SGCD: variants seen among roughly 807,000 people sequenced by gnomAD.
SGCD encodes delta-sarcoglycan.
SGCD carries 18 observed loss-of-function variants against 36.6 expected under a neutral mutation model. The ratio of observed to expected loss-of-function variants is 0.49; its 90% CI spans 0.34 to 0.73. The LOEUF (loss-of-function observed/expected upper bound fraction) is 0.73, where lower values mean the gene tolerates loss of function less well. Among genes scored for constraint, SGCD ranks in the 30% least tolerant of loss-of-function variants. The pLI is 0.01. For synonymous variants in SGCD, 133 were observed against 130.6 expected, an observed-to-expected ratio of 1.02 and a Z score of -0.12; for missense variants, 387 against 346.7, an observed-to-expected ratio of 1.12 and a Z score of -0.92.
intron 3 of SGCD, among the ~76,000 whole-genome samples, chr5:156,481,545 C>A (rs189970723): frequency 2.0e-5 from 3 of 152,168 alleles, no homozygotes; most frequent in African/African-American, 7.2e-5. Context: ...CCCAAAATAG[C>A]CCGTGGGTGC....
chr5:156,126,014 A>G (rs1404441498), intron 3 of SGCD, among the ~76,000 whole-genome samples: 1 of 151,730 alleles, frequency 6.6e-6, no homozygotes. Context: ...AGTAGCTGGG[A>G]TTGCAGGCGC....
At chr5:155,825,741 T>TTC in the SGCD span, among the ~76,000 whole-genome samples, 1 of 116,178 alleles carries the variant, frequency 8.6e-6, no homozygotes, top group Non-Finnish European at 1.9e-5. Flanking sequence ...TTTTTTTTTT[T>TTC]GTTGTTGTTG....
chr5:156,624,253 A>G (rs1762359692), intron 6 of SGCD, among the ~76,000 whole-genome samples: 1 of 152,260 alleles, frequency 6.6e-6, no homozygotes, highest in Non-Finnish European at 1.5e-5. Flanking sequence ...TCCCCACTTC[A>G]ATAACTTTGA....
At chr5:156,428,905 A>T (rs1453900681) in intron 3 of SGCD, among the ~76,000 whole-genome samples, 2 of 152,004 alleles carry the variant, frequency 1.3e-5, no homozygotes, top group Non-Finnish European at 2.9e-5. Flanking sequence ...AAGATACTTG[A>T]TGTGATTTTG....
chr5:156,600,791 A>G (rs1331709125), intron 6 of SGCD, among the ~76,000 whole-genome samples: 1 of 152,126 alleles, frequency 6.6e-6, no homozygotes, highest in Non-Finnish European at 1.5e-5. Context: ...ATTCCCACTA[A>G]CCATGTTAAG....
In SGCD at chr5:156,447,408, T is replaced by C. The variant is rs78297409; in HGVS notation, c.193-61193T>C. Among the ~76,000 whole-genome samples, 366 of 152,272 alleles carry C rather than the reference T, an allele frequency of 2.4e-3. 7 individuals are homozygous for C. The East Asian group carries it at 0.053, about 22-fold the overall frequency. ...CAGTGTGGCCAGGAATAATTCATAC[T>C]TCCTGAATCCCCTAACCAAATTTTC... is the stretch of plus-strand genomic sequence containing the variant. On this transcript the variant is annotated intron_variant, in intron 3 of 8. Transcript: ENST00000337851.
intron 7 of SGCD, among the ~76,000 whole-genome samples, chr5:156,743,108 CTTTTT>C (rs56296250): frequency 4.5e-5 from 5 of 110,324 alleles, no homozygotes; most frequent in Admixed American, 9.4e-5. Context: ...CTTCCTACAT[CTTTTT>C]TTTTTTTTTT....
rs534741479 is a variant in SGCD, at chr5:156,312,889, A to G, written c.-43-16645A>G. On this transcript the variant is annotated intron_variant, in intron 3 of 9. Coordinates refer to the SGCD transcript ENST00000517913. The stretch of plus-strand genomic sequence containing the variant: ...CATAAGAAAATTGTCTCAGCTCCCT[A>G]TTTCTTACAGACACTGGATAGATGA... 3.3e-5 allele frequency among the ~76,000 whole-genome samples: 5 copies of G among 152,230 alleles called. No individual in the cohort carries two copies. In the East Asian group the frequency reaches 5.8e-4, roughly 18 times the overall value.
chr5:156,516,428 AC>A (rs1219627264), intron 4 of SGCD, among the ~76,000 whole-genome samples: 1 of 152,220 alleles, frequency 6.6e-6, no homozygotes, highest in Non-Finnish European at 1.5e-5. Context: ...CAGCAGCTGT[AC>A]AGAAGAGGGG....
chr5:156,618,868 C>T (rs1014697234), intron 6 of SGCD, among the ~76,000 whole-genome samples: 1 of 152,064 alleles, frequency 6.6e-6, no homozygotes, highest in South Asian at 2.1e-4. Context: ...AGCAGCATTG[C>T]CTCAGCAGAC....
chr5:156,596,477 T>C (rs145073394), intron 6 of SGCD, among the ~76,000 whole-genome samples: 101 of 152,346 alleles, frequency 6.6e-4, no homozygotes, highest in Middle Eastern at 6.8e-3. Context: ...GCTAAAATAC[T>C]AAGTGTCCAA....
chr5:156,524,254 A>T (rs559356200), intron 4 of SGCD, among the ~76,000 whole-genome samples: 16 of 133,810 alleles, frequency 1.2e-4, no homozygotes, highest in African/African-American at 4.1e-4. Flanking sequence ...AGTTATATAT[A>T]AAACTATAGT....
intron 1 of SGCD, among the ~76,000 whole-genome samples, chr5:155,915,611 T>C (rs1317866814): frequency 1.3e-5 from 2 of 152,174 alleles, no homozygotes; most frequent in African/African-American, 4.8e-5. Flanking sequence ...TCTTAAAAAT[T>C]GATTTATGTT....
chr5:156,405,015 A>G (rs1772335350), intron 3 of SGCD, among the ~76,000 whole-genome samples: 1 of 152,162 alleles, frequency 6.6e-6, no homozygotes, highest in Non-Finnish European at 1.5e-5. Context: ...CAAAAGGGAG[A>G]TTTTTCTGGG....
chr5:156,568,863 C>A (rs1759601485), intron 4 of SGCD, among the ~76,000 whole-genome samples: 2 of 152,204 alleles, frequency 1.3e-5, no homozygotes, highest in African/African-American at 4.8e-5. Context: ...TGAGGAACAA[C>A]AGAGTGAACA....
At chr5:156,161,556 TG>T (rs1344853113) in intron 3 of SGCD, among the ~76,000 whole-genome samples, 2 of 151,922 alleles carry the variant, frequency 1.3e-5, no homozygotes, top group African/African-American at 4.9e-5. Flanking sequence ...GGCACAAAGC[TG>T]GTGAATTGCA....
At chr5:156,682,136 A>G (rs1753745023) in intron 7 of SGCD, among the ~76,000 whole-genome samples, 1 of 152,246 alleles carries the variant, frequency 6.6e-6, no homozygotes, top group African/African-American at 2.4e-5. Flanking sequence ...AACATGGTAC[A>G]TGTTACTGAC....
At chr5:156,224,910 A>T (rs533012131) in intron 3 of SGCD, among the ~76,000 whole-genome samples, 1 of 152,284 alleles carries the variant, frequency 6.6e-6, no homozygotes, top group South Asian at 2.1e-4. Context: ...AATCTTCCTC[A>T]GTTTAGAGTT....
chr5:156,536,024 T>C (rs2113124144), intron 4 of SGCD, among the ~76,000 whole-genome samples: 1 of 152,280 alleles, frequency 6.6e-6, no homozygotes, highest in African/African-American at 2.4e-5. Context: ...TTAGGGATCA[T>C]TGGTTCTTTC....
Sources: allele counts gnomAD v4.1 joint callset (sites outside exome capture counted in the v4.1 genomes callset), GRCh38; gene constraint gnomAD v4.1.1; transcripts MANE v1.5; gene names NCBI Gene and HGNC (gene_info 2026-07-23, HGNC 2026-07-21).